The following MIS18A variants were observed in gnomAD, a reference collection of about 807,000 sequenced individuals.
The protein encoded by MIS18A is MIS18 kinetochore protein A, also known as protein Mis18-alpha.
Under a neutral mutation model 25.0 loss-of-function variants are expected in MIS18A, and 14 were observed. That is an observed-to-expected ratio of 0.56 (90% CI 0.37 to 0.88). The LOEUF is 0.88. MIS18A is among the 40% of genes least tolerant of loss of function. The pLI is 0.00. For synonymous variants in MIS18A, 134 were observed against 118.6 expected, an observed-to-expected ratio of 1.13 and a Z score of -0.84; for missense variants, 292 against 290.8, an observed-to-expected ratio of 1.00 and a Z score of -0.03.
At chr21:32,234,498 C>T in the MIS18A span, among the ~76,000 whole-genome samples, 1 of 152,150 alleles carries the variant, frequency 6.6e-6, no homozygotes, top group Non-Finnish European at 1.5e-5. Context: ...AGTGCCAGAT[C>T]TCAATTTATA....
At chr21:32,203,679 G>A in the MIS18A span, among the ~76,000 whole-genome samples, 1 of 145,054 alleles carries the variant, frequency 6.9e-6, no homozygotes, top group Admixed American at 7.0e-5. Flanking sequence ...GAGTGCAGTG[G>A]CATGATCACA....
At chr21:32,178,629 C>G in the MIS18A span, among the ~76,000 whole-genome samples, 992 of 152,222 alleles carry the variant, frequency 6.5e-3, 13 homozygotes, top group African/African-American at 0.022. Context: ...CTTAATAGGT[C>G]ATCTATCTTT....
the MIS18A span, among the ~76,000 whole-genome samples, chr21:32,242,271 G>C: frequency 6.6e-6 from 1 of 152,236 alleles, no homozygotes; most frequent in African/African-American, 2.4e-5. Context: ...GGGATGATAA[G>C]GCTCCATGGC....
chr21:32,252,239 A>AAGAAGAAGAAGAAGAAGAAGG, the MIS18A span, among the ~76,000 whole-genome samples: 2 of 57,082 alleles, frequency 3.5e-5, no homozygotes, highest in Non-Finnish European at 6.9e-5. Flanking sequence ...GAAGAAGAAG[A>AAGAAGAAGAAGAAGAAGAAGG]AGGAGGAGGA....
the MIS18A span, among the ~76,000 whole-genome samples, chr21:32,187,235 G>A: frequency 6.6e-6 from 1 of 152,150 alleles, no homozygotes; most frequent in Non-Finnish European, 1.5e-5. Context: ...GTCCTTTCAG[G>A]CCATCTGGTG....
At chr21:32,198,123 T>C in the MIS18A span, among the ~76,000 whole-genome samples, 1 of 152,128 alleles carries the variant, frequency 6.6e-6, no homozygotes, top group African/African-American at 2.4e-5. Flanking sequence ...GCTTCTCAGA[T>C]CAAAGACCAG....
the MIS18A span, among the ~76,000 whole-genome samples, chr21:32,209,539 G>A: frequency 6.6e-6 from 1 of 152,168 alleles, no homozygotes; most frequent in Admixed American, 6.5e-5. Flanking sequence ...GGCAAAAACT[G>A]CAATAACTTT....
the MIS18A span, among the ~76,000 whole-genome samples, chr21:32,194,909 G>A: frequency 6.6e-6 from 1 of 152,198 alleles, no homozygotes; most frequent in South Asian, 2.1e-4. Context: ...GGTGGGAAGG[G>A]GGTGAGGGAT....
intron 2 of MIS18A, among the ~76,000 whole-genome samples, chr21:32,273,261 G>GT (rs1457798521): frequency 6.6e-6 from 1 of 151,916 alleles, no homozygotes; most frequent in Admixed American, 6.6e-5. Context: ...AAACCCATGG[G>GT]TTTTTTGGAG....
the MIS18A span, among the ~76,000 whole-genome samples, chr21:32,195,001 T>C: frequency 1.3e-5 from 2 of 152,170 alleles, no homozygotes; most frequent in African/African-American, 4.8e-5. Flanking sequence ...CCATAACATA[T>C]TCACATAACA....
downstream of MIS18A, among the ~76,000 whole-genome samples, chr21:32,263,556 G>A (rs1214260594): frequency 1.3e-5 from 2 of 152,294 alleles, no homozygotes; most frequent in South Asian, 2.1e-4. Flanking sequence ...AGCCCAGATC[G>A]TGCCACTGCA....
chr21:32,236,211 A>G, the MIS18A span, among the ~76,000 whole-genome samples: 2 of 45,064 alleles, frequency 4.4e-5, no homozygotes, highest in African/African-American at 5.1e-4. Flanking sequence ...CGTCTCTACT[A>G]AAAAAAAAAA....
chr21:32,269,391 C>T (rs1473875977), intron 4 of MIS18A, among the ~76,000 whole-genome samples: 1 of 152,134 alleles, frequency 6.6e-6, no homozygotes, highest in East Asian at 1.9e-4. Context: ...TGTTAACATC[C>T]AACAACAAGG....
chr21:32,268,068 C>T (rs1241160837), downstream of MIS18A, among the ~76,000 whole-genome samples: 1 of 152,200 alleles, frequency 6.6e-6, no homozygotes, highest in East Asian at 1.9e-4. Flanking sequence ...ACCTCACTCA[C>T]ACCCAGAAAC....
At position 32,279,035 on chromosome 21, in the gene MIS18A, C is replaced by T. The variant is rs775248907; in HGVS notation, c.-21G>A. 1.0e-5 allele frequency: 16 copies of T among 1,573,060 alleles called. No homozygotes were observed. The Admixed American group carries it at 2.1e-4, about 21-fold the overall frequency. ...GCCATTACCTACAAATCGCCCGCGCCCCAGAGCGCCATGGGAAAAAAAACC... is the reference window on the plus strand; with the variant it reads ...GCCATTACCTACAAATCGCCCGCGCTCCAGAGCGCCATGGGAAAAAAAACC... On this transcript the variant is annotated 5_prime_UTR_variant, in exon 1 of 5. Coordinates refer to ENST00000290130, the MANE Select transcript of MIS18A (RefSeq NM_018944.3).
the MIS18A span, among the ~76,000 whole-genome samples, chr21:32,216,932 TACATA>T: frequency 6.6e-6 from 1 of 152,208 alleles, no homozygotes. Context: ...AGACAGACTT[TACATA>T]ATTAGTTCAG....
chr21:32,170,310 T>C, the MIS18A span, among the ~76,000 whole-genome samples: 6 of 152,172 alleles, frequency 3.9e-5, no homozygotes, highest in African/African-American at 7.2e-5. Context: ...TACTTTGGAA[T>C]ACTACAGAAA....
chr21:32,266,594 G>A (rs564378073), downstream of MIS18A, among the ~76,000 whole-genome samples: 10 of 151,654 alleles, frequency 6.6e-5, no homozygotes, highest in African/African-American at 1.5e-4. Flanking sequence ...CTCCAGACGC[G>A]CTGCCTTAAG....
At chr21:32,236,981 C>T in the MIS18A span, among the ~76,000 whole-genome samples, 1 of 152,140 alleles carries the variant, frequency 6.6e-6, no homozygotes, top group Non-Finnish European at 1.5e-5. Context: ...GTCTCAGACA[C>T]CCCAATTCAT....
Sources: allele counts gnomAD v4.1 joint callset (sites outside exome capture counted in the v4.1 genomes callset), GRCh38; gene constraint gnomAD v4.1.1; transcripts MANE v1.5; gene names NCBI Gene and HGNC (gene_info 2026-07-23, HGNC 2026-07-21).